PARVA: variants seen among roughly 807,000 people sequenced by gnomAD.
PARVA encodes the protein alpha-parvin.
Under a neutral mutation model 52.6 loss-of-function variants are expected in PARVA, and 25 were observed. The observed-to-expected ratio is 0.48, with a 90% CI of 0.35 to 0.66. The LOEUF (loss-of-function observed/expected upper bound fraction) is 0.66, where lower values mean the gene tolerates loss of function less well. Ranked by LOEUF, PARVA falls within the 30% of genes least tolerant of loss-of-function variation. The probability of loss-of-function intolerance (pLI) is 0.01; values close to 1 mark genes in which losing one functional copy is unlikely to be tolerated. For synonymous variants in PARVA, 185 were observed against 179.1 expected (o/e 1.03, Z -0.26); for missense variants, 373 against 450.9 (o/e 0.83, Z 1.56).
chr11:12,484,549 G>GTGTGT (rs1564859308), intron 4 of PARVA, among the ~76,000 whole-genome samples: 2 of 130,306 alleles, frequency 1.5e-5, no homozygotes, highest in African/African-American at 2.7e-5. Flanking sequence ...GTGTGTGTGT[G>GTGTGT]GTTTTCTTTT....
At chr11:12,498,374 C>T (rs929816177) in intron 5 of PARVA, among the ~76,000 whole-genome samples, 4 of 152,112 alleles carry the variant, frequency 2.6e-5, no homozygotes, top group Non-Finnish European at 4.4e-5. Flanking sequence ...AGAACATTGT[C>T]TCCAGTGGCT....
At position 12,485,415 on chromosome 11, in the gene PARVA, G is replaced by A. The variant is rs147497241; in HGVS notation, c.400+7466G>A. On this transcript the variant is annotated intron_variant, in intron 4 of 12. Coordinates refer to ENST00000334956, the MANE Select transcript of PARVA (RefSeq NM_018222.5). ...GAGAAATGGCTAATTTTAGACCTGG[G>A]GCAGGGAATGTAGATGAGCCTAGAG... 1.8e-3 allele frequency among the ~76,000 whole-genome samples: 276 copies of A among 152,182 alleles called. 1 individual carries two copies. Among genetic ancestry groups the A allele is most frequent in the African/African-American group, 6.4e-3 (265 of 41,524 alleles).
chr11:12,423,746 A>AGTTTT (rs1403886287), intron 1 of PARVA, among the ~76,000 whole-genome samples: 1 of 152,066 alleles, frequency 6.6e-6, no homozygotes, highest in African/African-American at 2.4e-5. Flanking sequence ...CGTGATTCTT[A>AGTTTT]GTTTTGTTTT....
chr11:12,512,718 A>T (rs922616993), intron 8 of PARVA, among the ~76,000 whole-genome samples: 2 of 152,228 alleles, frequency 1.3e-5, no homozygotes, highest in Non-Finnish European at 2.9e-5. Flanking sequence ...CTTCATCCTC[A>T]TGACAAACCT....
intron 1 of PARVA, among the ~76,000 whole-genome samples, chr11:12,436,814 A>G (rs922767759): frequency 6.6e-6 from 1 of 152,206 alleles, no homozygotes; most frequent in Non-Finnish European, 1.5e-5. Flanking sequence ...TTCAAAAGAA[A>G]AAATGATTAA....
At chr11:12,378,098 G>A (rs922291888) in intron 1 of PARVA, among the ~76,000 whole-genome samples, 2 of 151,348 alleles carry the variant, frequency 1.3e-5, no homozygotes, top group African/African-American at 4.8e-5. Flanking sequence ...CGGAGGCGGC[G>A]GGACCGGAGC....
In PARVA at chr11:12,502,466, T is replaced by C. The variant is rs78808777; in HGVS notation, c.542-1848T>C. Among the ~76,000 whole-genome samples, 4 of 151,902 alleles carry C rather than the reference T, an allele frequency of 2.6e-5. No homozygotes were observed. The South Asian group carries it at 6.3e-4, about 24-fold the overall frequency. ...CTGTAATGAAGAGCCGTGAAGCTGG[T>C]AGGACTGTGAAGGCAGGCAAAATAT... On this transcript the variant is annotated intron_variant, in intron 5 of 12. Coordinates refer to ENST00000334956, the MANE Select transcript of PARVA (RefSeq NM_018222.5).
chr11:12,432,013 T>A (rs1187601764), intron 1 of PARVA, among the ~76,000 whole-genome samples: 1 of 152,216 alleles, frequency 6.6e-6, no homozygotes, highest in Non-Finnish European at 1.5e-5. Flanking sequence ...GAAATGAAAC[T>A]CCTTTCTCCA....
intron 4 of PARVA, 113 bp from the exon 5 acceptor site, chr11:12,496,345 A>ATGAGTGCATGCATGCAT: frequency 1.2e-6 from 1 of 861,990 alleles, no homozygotes; most frequent in South Asian, 1.8e-5. Context: ...TATTGTTGCA[A>ATGAGTGCATGCATGCAT]GAGTGCATGC....
At chr11:12,463,297 TACTC>T (rs1419856271) in intron 1 of PARVA, among the ~76,000 whole-genome samples, 4 of 152,138 alleles carry the variant, frequency 2.6e-5, no homozygotes, top group Non-Finnish European at 5.9e-5. Context: ...GTACTTAACA[TACTC>T]TATCTGTTCC....
rs933048341 is a variant in PARVA, at chr11:12,529,602, G to A, written c.*1677G>A. The A allele has an allele frequency of 1.3e-5, 2 of 152,006 alleles. No homozygotes were observed. Among genetic ancestry groups the A allele is most frequent in the African/African-American group, 4.8e-5 (2 of 41,356 alleles). The allele number at this position is 152,006 out of a possible 1,614,324, so 9.4% of individuals were successfully genotyped here. A position where few individuals can be genotyped will look rare whatever the true frequency, so the allele number is the denominator to read the frequency against. ...ATTCCACAAAGCCCATCTCTGGTTT[G>A]AGAATTCATTTTGATCTGTATCTAC... On this transcript the variant is annotated 3_prime_UTR_variant, in exon 13 of 13. Transcript: ENST00000334956.
chr11:12,432,153 T>A (rs969531993), intron 1 of PARVA, among the ~76,000 whole-genome samples: 6 of 152,256 alleles, frequency 3.9e-5, no homozygotes. Context: ...ACTACTATAG[T>A]TGAGTAGTGA....
At chr11:12,429,993 A>G (rs1384051190) in intron 1 of PARVA, among the ~76,000 whole-genome samples, 3 of 152,182 alleles carry the variant, frequency 2.0e-5, no homozygotes, top group African/African-American at 7.2e-5. Context: ...ATGACTACAG[A>G]CACTTTTAAA....
At chr11:12,477,466 A>T (rs1346849380) in intron 3 of PARVA, among the ~76,000 whole-genome samples, 1 of 152,200 alleles carries the variant, frequency 6.6e-6, no homozygotes, top group Non-Finnish European at 1.5e-5. Context: ...GGGGACATAG[A>T]TATTAACAGG....
intron 1 of PARVA, chr11:12,452,692 G>A (rs1940639677): frequency 4.5e-6 from 1 of 222,758 alleles, no homozygotes. Flanking sequence ...CTTATACCCC[G>A]AATGAGCAGA....
At chr11:12,457,051 G>A (rs10741591) in intron 1 of PARVA, among the ~76,000 whole-genome samples, 59,021 of 152,028 alleles carry the variant, frequency 0.39, 12,495 homozygotes, top group South Asian at 0.61. Context: ...TTTTGTGTAC[G>A]AGCTAAATTA....
intron 4 of PARVA, among the ~76,000 whole-genome samples, chr11:12,495,657 A>G (rs1241906934): frequency 6.4e-5 from 2 of 31,210 alleles, no homozygotes; most frequent in Non-Finnish European, 1.7e-4. Flanking sequence ...GTCATTGCAT[A>G]AAAAAAAACT....
At chr11:12,401,141 G>A (rs553913737) in intron 1 of PARVA, among the ~76,000 whole-genome samples, 2 of 152,318 alleles carry the variant, frequency 1.3e-5, no homozygotes, top group Admixed American at 1.3e-4. Flanking sequence ...ACCTTAACAA[G>A]CCTTAGGTCC....
intron 1 of PARVA, among the ~76,000 whole-genome samples, chr11:12,406,606 GC>G (rs1440291355): frequency 6.7e-6 from 1 of 149,632 alleles, no homozygotes; most frequent in Non-Finnish European, 1.5e-5. Context: ...TCATCAAATG[GC>G]TTTCTCATGA....
Sources: gnomAD v4.1 joint callset for allele counts (sites outside exome capture counted in the v4.1 genomes callset) on GRCh38, gnomAD v4.1.1 for gene constraint, MANE v1.5 for transcripts, NCBI Gene and HGNC (gene_info 2026-07-23, HGNC 2026-07-21) for gene names.